The following TMIGD3 variants were observed in gnomAD, a reference collection of about 807,000 sequenced individuals.
TMIGD3 encodes the protein transmembrane and immunoglobulin domain containing 3.
Under a neutral mutation model 28.1 loss-of-function variants are expected in TMIGD3, and 21 were observed. That is an observed-to-expected ratio of 0.75 (90% confidence interval 0.53 to 1.08). TMIGD3 has a LOEUF of 1.08. TMIGD3 is among the 50% of genes least tolerant of loss of function. The pLI is 0.00. For missense variants in TMIGD3, 416 were observed against 435.6 expected (o/e 0.96, Z 0.40); for synonymous variants, 151 against 162.1 (o/e 0.93, Z 0.52).
intron 1 of TMIGD3, among the ~76,000 whole-genome samples, chr1:111,562,921 T>A (rs1657796120): frequency 6.6e-6 from 1 of 152,218 alleles, no homozygotes; most frequent in African/African-American, 2.4e-5. Context: ...AAAAGATACA[T>A]TGATTAGTCT....
chr1:111,563,450 A>G (rs780152419), intron 1 of TMIGD3, among the ~76,000 whole-genome samples: 2 of 152,158 alleles, frequency 1.3e-5, no homozygotes, highest in Non-Finnish European at 2.9e-5. Context: ...CCAGATTGAG[A>G]TTTGTTTTTC....
chr1:111,493,584 A>C (rs1223772811), intron 1 of TMIGD3, among the ~76,000 whole-genome samples: 1 of 152,224 alleles, frequency 6.6e-6, no homozygotes, highest in African/African-American at 2.4e-5. Context: ...GTATTCTCTT[A>C]TAGCAACACA....
At chr1:111,534,393 G>A (rs1656570987) in intron 1 of TMIGD3, among the ~76,000 whole-genome samples, 1 of 152,200 alleles carries the variant, frequency 6.6e-6, no homozygotes, top group Non-Finnish European at 1.5e-5. Flanking sequence ...GAATGTCAGG[G>A]AGAGGAGAGG....
intron 1 of TMIGD3, among the ~76,000 whole-genome samples, chr1:111,518,775 T>C (rs1325996265): frequency 6.6e-6 from 1 of 152,210 alleles, no homozygotes; most frequent in African/African-American, 2.4e-5. Flanking sequence ...CATTAATGCA[T>C]TCTGATTCTC....
At chr1:111,526,563 G>C (rs959312037) in intron 1 of TMIGD3, among the ~76,000 whole-genome samples, 2 of 152,104 alleles carry the variant, frequency 1.3e-5, no homozygotes, top group African/African-American at 4.8e-5. Flanking sequence ...TTTATTAGCA[G>C]CATGAAAATG....
intron 1 of TMIGD3, among the ~76,000 whole-genome samples, chr1:111,519,185 C>G (rs1655970484): frequency 6.6e-6 from 1 of 152,082 alleles, no homozygotes; most frequent in African/African-American, 2.4e-5. Context: ...GTGATCCATC[C>G]ACCTCGGCCT....
chr1:111,533,733 A>G lies in TMIGD3; in HGVS notation c.107+30113T>C, dbSNP rs1025423002. Among the ~76,000 whole-genome samples the G allele has an allele frequency of 2.8e-4, 43 of 152,158 alleles. 1 individual carries two copies. Among genetic ancestry groups the G allele is most frequent in the African/African-American group, 1.0e-3 (43 of 41,522 alleles). ...CACACTTGGCTAATTTTTTGTATTT[A>G]TCGTAAAGATGGAGTTTCTCCACGT... is the stretch of plus-strand genomic sequence containing the variant. On this transcript the variant is annotated intron_variant, in intron 1 of 5. Coordinates refer to the TMIGD3 transcript ENST00000369717.
intron 3 of TMIGD3, among the ~76,000 whole-genome samples, chr1:111,486,886 C>A (rs185279640): frequency 6.6e-6 from 1 of 152,212 alleles, no homozygotes; most frequent in African/African-American, 2.4e-5. Context: ...CCAGGCCATG[C>A]ACCCTACCAC....
intron 1 of TMIGD3, among the ~76,000 whole-genome samples, chr1:111,528,496 G>T (rs1316784692): frequency 6.6e-6 from 1 of 152,014 alleles, no homozygotes; most frequent in Non-Finnish European, 1.5e-5. Context: ...GCTATTCTGG[G>T]TTTTTTGTCT....
intron 1 of TMIGD3, among the ~76,000 whole-genome samples, chr1:111,533,588 T>G (rs911926677): frequency 3.3e-5 from 5 of 152,134 alleles, no homozygotes; most frequent in African/African-American, 1.2e-4. Flanking sequence ...GGGTCTCACT[T>G]TGTCTCCCAT....
rs537612879 is a variant in TMIGD3, at chr1:111,548,400, A to G, written c.107+15446T>C. 3.9e-5 allele frequency among the ~76,000 whole-genome samples: 6 copies of G among 152,318 alleles called. No individual in the cohort carries two copies. The East Asian group carries it at 7.7e-4, about 20-fold the overall frequency. ...GATCATACTGGTAAAACTATATGTC[A>G]TCTCCTGTTATAATCCTTTAAAGAA... On this transcript the variant is annotated intron_variant, in intron 1 of 5. Coordinates refer to the TMIGD3 transcript ENST00000369717.
intron 1 of TMIGD3, among the ~76,000 whole-genome samples, chr1:111,530,570 C>T (rs1308262579): frequency 6.6e-6 from 1 of 152,126 alleles, no homozygotes; most frequent in Non-Finnish European, 1.5e-5. Flanking sequence ...CTGAAATTGT[C>T]ATTGTTGAAA....
rs773987086 is a variant in TMIGD3, at chr1:111,503,169, C to G, written c.186G>C (p.Gly62=). The G allele has an allele frequency of 1.9e-6, 3 of 1,614,206 alleles. No homozygotes were observed. Among genetic ancestry groups the G allele is most frequent in the Non-Finnish European group, 2.5e-6 (3 of 1,180,036 alleles). ...CAATGGCCAAAGGCATGACCAGCACCCCAACAGCAATGTCAGCCAGGGCTA... is the reference window on the plus strand; with the variant it reads ...CAATGGCCAAAGGCATGACCAGCACGCCAACAGCAATGTCAGCCAGGGCTA... ...VSLALADIAV[G]VLVMPLAIVV... Residue 62 remains glycine (G), a synonymous_variant, in exon 1 of 6, where the codon GGG becomes GGC. Transcript: ENST00000369716.
At chr1:111,504,361 G>C (rs114241928), upstream of TMIGD3, among the ~76,000 whole-genome samples, 687 of 152,272 alleles carry the variant, frequency 4.5e-3, 8 homozygotes, top group African/African-American at 0.016. Flanking sequence ...GAATCAAATG[G>C]CATATCCTCC....
At chr1:111,551,943 C>T (rs74112327) in intron 1 of TMIGD3, among the ~76,000 whole-genome samples, 7,966 of 152,252 alleles carry the variant, frequency 0.052, 433 homozygotes, top group East Asian at 0.18. Flanking sequence ...GAACAGTTCT[C>T]GGCATGCACC....
At position 111,485,803 on chromosome 1, in the gene TMIGD3, A is replaced by G; in HGVS notation, c.910T>C (p.Leu304=). The part of the protein sequence containing the change: ...ILIICILITG[L]GIISVISHLT... Reference sequence around the variant, plus strand: ...TGACTGATTACAGAGATGATTCCCAAACCCGTGATCAGTATGCAAATGATG... The same window carrying G: ...TGACTGATTACAGAGATGATTCCCAGACCCGTGATCAGTATGCAAATGATG... Residue 304 remains leucine (L), a synonymous_variant, in exon 5 of 6, where the codon TTG becomes CTG. Transcript: ENST00000369716. 1 of 1,613,306 alleles carries G rather than the reference A, an allele frequency of 6.2e-7. No individual in the cohort carries two copies.
chr1:111,502,046 TTA>T (rs1247283701), intron 1 of TMIGD3, among the ~76,000 whole-genome samples: 86 of 39,616 alleles, frequency 2.2e-3, no homozygotes, highest in Admixed American at 5.0e-3. Flanking sequence ...GGATATATAT[TTA>T]ATATAATAAA....
At chr1:111,506,761 AG>A (rs1655503548), upstream of TMIGD3, among the ~76,000 whole-genome samples, 1 of 152,016 alleles carries the variant, frequency 6.6e-6, no homozygotes, top group African/African-American at 2.4e-5. Context: ...GCTCTGAGCT[AG>A]GAAGAGATGG....
intron 1 of TMIGD3, among the ~76,000 whole-genome samples, chr1:111,523,988 AGTTTAGTTTACTCTTCTT>A (rs1414713234): frequency 7.3e-6 from 1 of 136,662 alleles, no homozygotes; most frequent in Non-Finnish European, 1.6e-5. Flanking sequence ...GCTTGCACTG[AGTTTAGTTTACTCTTCTT>A]GTTTCTTTCT....
Sources: allele counts gnomAD v4.1 joint callset (sites outside exome capture counted in the v4.1 genomes callset), GRCh38; gene constraint gnomAD v4.1.1; transcripts MANE v1.5; gene names NCBI Gene and HGNC (gene_info 2026-07-23, HGNC 2026-07-21).